The following CSMD1 variants were observed in gnomAD, a reference collection of about 807,000 sequenced individuals.
The protein encoded by CSMD1 is CUB and sushi domain-containing protein 1.
CSMD1 carries 213 observed loss-of-function variants against 417.5 expected under a neutral mutation model. That is an observed-to-expected ratio of 0.51 (90% confidence interval 0.46 to 0.57). The LOEUF (loss-of-function observed/expected upper bound fraction) is 0.57. Ranked by LOEUF, CSMD1 falls within the 20% of genes least tolerant of loss-of-function variation. The pLI, the probability that CSMD1 is intolerant of heterozygous loss-of-function variation, is 0.00. For synonymous variants in CSMD1, 2,862 were observed against 1,736.8 expected (o/e 1.65, Z -16.11); for missense variants, 6,923 against 4,529.7 (o/e 1.53, Z -15.17).
At chr8:3,891,824 T>TC (rs1329373424) in intron 5 of CSMD1, among the ~76,000 whole-genome samples, 5 of 152,182 alleles carry the variant, frequency 3.3e-5, no homozygotes, top group African/African-American at 4.8e-5. Flanking sequence ...AGCCTAATTC[T>TC]CTCATCTGTA....
intron 10 of CSMD1, among the ~76,000 whole-genome samples, chr8:3,529,542 A>C (rs909556821): frequency 2.0e-5 from 3 of 152,194 alleles, no homozygotes; most frequent in African/African-American, 7.2e-5. Context: ...AGATTATTTA[A>C]CTACCTTTTC....
chr8:3,626,339 C>G (rs570566353), intron 7 of CSMD1, among the ~76,000 whole-genome samples: 3 of 152,282 alleles, frequency 2.0e-5, no homozygotes, highest in African/African-American at 4.8e-5. Flanking sequence ...AAATATCTTA[C>G]AGGATGCCCA....
chr8:4,352,375 T>C (rs558144673), intron 3 of CSMD1, among the ~76,000 whole-genome samples: 1 of 152,156 alleles, frequency 6.6e-6, no homozygotes, highest in Non-Finnish European at 1.5e-5. Context: ...CAAACAGCAA[T>C]AAATATGTCT....
chr8:3,485,263 A>T (rs1016266375), intron 11 of CSMD1, among the ~76,000 whole-genome samples: 1 of 152,184 alleles, frequency 6.6e-6, no homozygotes, highest in African/African-American at 2.4e-5. Context: ...AAGTCCAGGG[A>T]ATTTTGCTGA....
intron 1 of CSMD1, among the ~76,000 whole-genome samples, chr8:4,982,365 G>A (rs769716038): frequency 2.0e-5 from 3 of 152,184 alleles, no homozygotes; most frequent in African/African-American, 4.8e-5. Context: ...TGTTCCTGGT[G>A]GCATCTGGTC....
intron 50 of CSMD1, among the ~76,000 whole-genome samples, chr8:3,035,792 G>A (rs535167262): frequency 6.6e-6 from 1 of 152,258 alleles, no homozygotes; most frequent in South Asian, 2.1e-4. Context: ...GGTTTAGCTG[G>A]CATGACAGAC....
chr8:4,402,134 T>C (rs142056527), intron 3 of CSMD1, among the ~76,000 whole-genome samples: 1 of 152,138 alleles, frequency 6.6e-6, no homozygotes, highest in South Asian at 2.1e-4. Flanking sequence ...TTTCATTAAT[T>C]AGTCATATGG....
At chr8:3,274,336 C>G (rs1802100673) in intron 26 of CSMD1, among the ~76,000 whole-genome samples, 1 of 152,208 alleles carries the variant, frequency 6.6e-6, no homozygotes, top group East Asian at 1.9e-4. Flanking sequence ...CTGAGGAGTG[C>G]TTTACTTCCA....
chr8:3,656,519 C>A (rs1798118613), intron 7 of CSMD1, among the ~76,000 whole-genome samples: 1 of 152,202 alleles, frequency 6.6e-6, no homozygotes, highest in Non-Finnish European at 1.5e-5. Context: ...CCTCAGTCTT[C>A]TAATCCGCAA....
intron 12 of CSMD1, among the ~76,000 whole-genome samples, chr8:3,460,139 G>C (rs994865371): frequency 6.6e-6 from 1 of 152,144 alleles, no homozygotes; most frequent in Non-Finnish European, 1.5e-5. Context: ...GGGTGGTATA[G>C]GATTGTGTAG....
intron 5 of CSMD1, among the ~76,000 whole-genome samples, chr8:3,954,381 G>A (rs2129911942): frequency 6.6e-6 from 1 of 150,940 alleles, no homozygotes; most frequent in East Asian, 1.9e-4. Flanking sequence ...TTTCTTTTTT[G>A]AGACGGAGTC....
chr8:3,727,950 A>G (rs998740864), intron 6 of CSMD1, among the ~76,000 whole-genome samples: 4 of 152,144 alleles, frequency 2.6e-5, no homozygotes, highest in Non-Finnish European at 5.9e-5. Flanking sequence ...GGGTATGGGT[A>G]ATGAGAGTTT....
chr8:3,125,696 G>T (rs1442684636), intron 41 of CSMD1, among the ~76,000 whole-genome samples: 1 of 152,186 alleles, frequency 6.6e-6, no homozygotes, highest in African/African-American at 2.4e-5. Context: ...TTGAATTAAG[G>T]CCAGGTGCCG....
chr8:4,373,758 A>T (rs1390512360), intron 3 of CSMD1, among the ~76,000 whole-genome samples: 1 of 152,202 alleles, frequency 6.6e-6, no homozygotes, highest in Non-Finnish European at 1.5e-5. Flanking sequence ...TCTTATTATC[A>T]GGTTCTCCCT....
intron 11 of CSMD1, among the ~76,000 whole-genome samples, chr8:3,471,024 C>G (rs1423303554): frequency 6.6e-6 from 1 of 152,054 alleles, no homozygotes; most frequent in Non-Finnish European, 1.5e-5. Flanking sequence ...CTTCATTTAC[C>G]TGAGATAAAA....
intron 1 of CSMD1, among the ~76,000 whole-genome samples, chr8:4,808,262 C>T (rs572401567): frequency 6.6e-6 from 1 of 152,288 alleles, no homozygotes; most frequent in South Asian, 2.1e-4. Context: ...AGAGCATTTA[C>T]TACAGATGCT....
intron 2 of CSMD1, among the ~76,000 whole-genome samples, chr8:4,510,989 G>A (rs1045446116): frequency 1.1e-4 from 16 of 151,754 alleles, no homozygotes; most frequent in Admixed American, 2.6e-4. Flanking sequence ...CAATCTCTAA[G>A]GAATGATTCA....
intron 3 of CSMD1, among the ~76,000 whole-genome samples, chr8:4,109,978 C>G (rs936441844): frequency 2.0e-5 from 3 of 152,054 alleles, no homozygotes; most frequent in Non-Finnish European, 4.4e-5. Flanking sequence ...AGTCCAAGGA[C>G]TAACTAGAAC....
intron 39 of CSMD1, among the ~76,000 whole-genome samples, chr8:3,157,461 C>A (rs549962022): frequency 7.2e-4 from 110 of 152,332 alleles, no homozygotes; most frequent in African/African-American, 2.5e-3. Flanking sequence ...CTGTTTCCAA[C>A]ATGAAATACT....
Sources: allele counts gnomAD v4.1 joint callset (sites outside exome capture counted in the v4.1 genomes callset), GRCh38; gene constraint gnomAD v4.1.1; transcripts MANE v1.5; gene names NCBI Gene and HGNC (gene_info 2026-07-23, HGNC 2026-07-21).